The following RBFOX3 variants were observed in gnomAD, a reference collection of about 807,000 sequenced individuals.
RBFOX3 encodes the protein RNA binding protein fox-1 homolog 3.
A neutral mutation model predicts 48.7 loss-of-function variants in RBFOX3; 17 were observed. That is an observed-to-expected ratio of 0.35 (90% confidence interval 0.24 to 0.52). RBFOX3 has a LOEUF of 0.52. Among genes scored for constraint, RBFOX3 ranks in the 20% least tolerant of loss-of-function variants. The pLI is 0.94. For missense variants in RBFOX3, 382 were observed against 497.5 expected (o/e 0.77, Z 2.21); for synonymous variants, 212 against 209.5 (o/e 1.01, Z -0.10).
chr17:79,267,451 C>T lies in RBFOX3; in HGVS notation c.-73-31646G>A, dbSNP rs529918252. Among the ~76,000 whole-genome samples, 282 of 152,050 alleles carry T rather than the reference C, an allele frequency of 1.9e-3. 3 individuals carry two copies. Among genetic ancestry groups the T allele is most frequent in the Middle Eastern group, 3.4e-3 (1 of 294 alleles). On this transcript the variant is annotated intron_variant, in intron 3 of 14. Coordinates refer to ENST00000693108, the MANE Select transcript of RBFOX3 (RefSeq NM_001350451.2). ...TGTTGCCCAGGCTGGAGTACAGTGGCGCGATCTCGGCTTACTGCAACCTCC... is the reference window on the plus strand; with the variant it reads ...TGTTGCCCAGGCTGGAGTACAGTGGTGCGATCTCGGCTTACTGCAACCTCC...
At chr17:79,295,542 C>T (rs1031461846) in intron 3 of RBFOX3, among the ~76,000 whole-genome samples, 3 of 152,166 alleles carry the variant, frequency 2.0e-5, no homozygotes, top group African/African-American at 7.2e-5. Flanking sequence ...CTGGGATGAG[C>T]AATGCCTGAC....
chr17:79,554,953 C>T (rs2091502728), intron 1 of RBFOX3, among the ~76,000 whole-genome samples: 1 of 152,256 alleles, frequency 6.6e-6, no homozygotes, highest in South Asian at 2.1e-4. Context: ...GCCTCATGAA[C>T]AGCTAAAATG....
At chr17:79,197,796 C>T (rs1222134048) in intron 4 of RBFOX3, among the ~76,000 whole-genome samples, 2 of 152,122 alleles carry the variant, frequency 1.3e-5, no homozygotes, top group African/African-American at 2.4e-5. Context: ...AATGCCACTC[C>T]ATTCCCCTTT....
intron 2 of RBFOX3, among the ~76,000 whole-genome samples, chr17:79,383,031 AACACACACACACACACACACAC>A (rs60851419): frequency 3.5e-5 from 5 of 141,300 alleles, no homozygotes; most frequent in African/African-American, 1.1e-4. Context: ...CTGCCTCTCA[AACACACACACACACACACACAC>A]ACACACACAC....
chr17:79,182,796 G>A (rs1382728956), intron 4 of RBFOX3, among the ~76,000 whole-genome samples: 4 of 149,574 alleles, frequency 2.7e-5, no homozygotes, highest in African/African-American at 9.9e-5. Flanking sequence ...CCCGGCGCGC[G>A]GTCTGCGCTG....
intron 9 of RBFOX3, among the ~76,000 whole-genome samples, chr17:79,101,005 C>T (rs868181028): frequency 2.0e-5 from 3 of 152,186 alleles, no homozygotes; most frequent in East Asian, 1.9e-4. Context: ...TCACATCCTC[C>T]GAAATCTGAG....
chr17:79,443,025 C>T lies in RBFOX3; in HGVS notation c.-175+39429G>A, dbSNP rs1436713982. Among the ~76,000 whole-genome samples the T allele has an allele frequency of 6.6e-6, 1 of 152,218 alleles. No homozygotes were observed. Among genetic ancestry groups the T allele is most frequent in the Non-Finnish European group, 1.5e-5 (1 of 68,040 alleles). On this transcript the variant is annotated intron_variant, in intron 2 of 14. Coordinates refer to ENST00000693108, the MANE Select transcript of RBFOX3 (RefSeq NM_001350451.2). The surrounding 1 kb of genome is among the most constrained non-coding windows in gnomAD (Gnocchi z 4.4). ...CAGAAGCCTCCACCTGCCTGGAGAA[C>T]CCCTGGAAAACATCCACCTGTGCCA...
intron 1 of RBFOX3, among the ~76,000 whole-genome samples, chr17:79,531,996 G>A (rs1462245057): frequency 6.6e-6 from 1 of 152,218 alleles, no homozygotes; most frequent in Non-Finnish European, 1.5e-5. Flanking sequence ...AAGGGATGTG[G>A]ACCCTTGAAC....
chr17:79,175,632 C>G (rs962557252), intron 4 of RBFOX3, among the ~76,000 whole-genome samples: 1 of 152,252 alleles, frequency 6.6e-6, no homozygotes, highest in Non-Finnish European at 1.5e-5. Context: ...CCCTGGCTCC[C>G]CAGTGCTCCC....
In RBFOX3 at chr17:79,131,450, C is replaced by T. The variant is rs150441340; in HGVS notation, c.-33-15702G>A. Among the ~76,000 whole-genome samples, 426 of 152,348 alleles carry T rather than the reference C, an allele frequency of 2.8e-3. 4 individuals carry two copies. Among genetic ancestry groups the T allele is most frequent in the Non-Finnish European group, 3.2e-3 (216 of 68,032 alleles). ...ACAGACGCGGCTGCAAACCCCACGG[C>T]GTGAGCCCACCTGACGCAGCACCCA... On this transcript the variant is annotated intron_variant, in intron 4 of 14. Coordinates refer to ENST00000693108, the MANE Select transcript of RBFOX3 (RefSeq NM_001350451.2).
At chr17:79,489,492 A>G (rs1400335226) in intron 1 of RBFOX3, among the ~76,000 whole-genome samples, 1 of 152,070 alleles carries the variant, frequency 6.6e-6, no homozygotes, top group African/African-American at 2.4e-5. Flanking sequence ...ATGGGCTTTC[A>G]CCATGGTGCC....
chr17:79,232,967 C>T (rs1030961148), intron 4 of RBFOX3, among the ~76,000 whole-genome samples: 9 of 152,138 alleles, frequency 5.9e-5, no homozygotes, highest in South Asian at 4.1e-4. Context: ...TTATTTAGGG[C>T]GTTAAAATAT....
intron 4 of RBFOX3, among the ~76,000 whole-genome samples, chr17:79,148,462 A>T (rs1407268612): frequency 6.6e-6 from 1 of 152,134 alleles, no homozygotes; most frequent in Non-Finnish European, 1.5e-5. Flanking sequence ...AGCCAAACCC[A>T]GGTTTGAGCC....
At chr17:79,211,965 A>G (rs749835737) in intron 4 of RBFOX3, among the ~76,000 whole-genome samples, 6 of 152,174 alleles carry the variant, frequency 3.9e-5, no homozygotes, top group Non-Finnish European at 8.8e-5. Flanking sequence ...CCTGCCCACA[A>G]GGAACTCCCC....
intron 2 of RBFOX3, among the ~76,000 whole-genome samples, chr17:79,367,120 A>C (rs1234389254): frequency 6.6e-6 from 1 of 151,852 alleles, no homozygotes; most frequent in Non-Finnish European, 1.5e-5. Context: ...TGCTGACCCC[A>C]GGCCTGCATG....
chr17:79,331,131 G>T (rs891966983), intron 2 of RBFOX3, among the ~76,000 whole-genome samples: 1 of 152,118 alleles, frequency 6.6e-6, no homozygotes, highest in African/African-American at 2.4e-5. Flanking sequence ...TGGGCAAAAA[G>T]CAAAAGCTGT....
At chr17:79,144,912 C>T (rs1246670509) in intron 4 of RBFOX3, among the ~76,000 whole-genome samples, 5 of 152,212 alleles carry the variant, frequency 3.3e-5, no homozygotes, top group Non-Finnish European at 5.9e-5. Context: ...TACCCACCTC[C>T]GAGCTGTCAC....
chr17:79,308,289 A>ACGGCCGGCGTGGGTTGAG (rs768854209), intron 2 of RBFOX3, among the ~76,000 whole-genome samples: 22 of 152,302 alleles, frequency 1.4e-4, no homozygotes, highest in Middle Eastern at 3.4e-3. Flanking sequence ...GGAAATTGTA[A>ACGGCCGGCGTGGGTTGAG]CGGCCGGCGT....
intron 4 of RBFOX3, among the ~76,000 whole-genome samples, chr17:79,132,319 T>C (rs1046659514): frequency 6.6e-6 from 1 of 151,842 alleles, no homozygotes; most frequent in Non-Finnish European, 1.5e-5. Flanking sequence ...GCACTGCACT[T>C]AGGGTAAGCA....
Sources: allele counts gnomAD v4.1 joint callset (sites outside exome capture counted in the v4.1 genomes callset), GRCh38; gene constraint gnomAD v4.1.1; non-coding constraint Gnocchi (gnomAD v3.1); transcripts MANE v1.5; gene names NCBI Gene and HGNC (gene_info 2026-07-23, HGNC 2026-07-21).